Variants in TBL1XR1 observed in about 807,000 individuals in gnomAD.
TBL1XR1 encodes F-box-like/WD repeat-containing protein TBL1XR1.
Under a neutral mutation model 66.9 loss-of-function variants are expected in TBL1XR1, and 5 were observed. The ratio of observed to expected loss-of-function variants is 0.07; its 90% confidence interval spans 0.04 to 0.16. The LOEUF (loss-of-function observed/expected upper bound fraction) is 0.16, where lower values mean the gene tolerates loss of function less well. TBL1XR1 is among the 10% of genes least tolerant of loss of function. The pLI is 1.00. For synonymous variants in TBL1XR1, 210 were observed against 206.0 expected (o/e 1.02, Z -0.17); for missense variants, 238 against 623.2 (o/e 0.38, Z 6.58).
intron 1 of TBL1XR1, chr3:177,120,624 A>G (rs1193702984): frequency 2.6e-5 from 4 of 152,016 alleles, no homozygotes; most frequent in African/African-American, 9.7e-5. Context: ...AATCTTTTCC[A>G]CTCAAACTTC....
chr3:177,176,961 C>G (rs1169683257), intron 1 of TBL1XR1, among the ~76,000 whole-genome samples: 1 of 152,032 alleles, frequency 6.6e-6, no homozygotes, highest in African/African-American at 2.4e-5. Context: ...GCTTGGGCAA[C>G]AAAGGGAAGC....
intron 2 of TBL1XR1, among the ~76,000 whole-genome samples, chr3:177,070,575 G>A (rs923465728): frequency 1.4e-4 from 22 of 152,178 alleles, no homozygotes; most frequent in African/African-American, 5.3e-4. Context: ...TTGGCCAGGT[G>A]CGGTGGCTCA....
At position 177,082,741 on chromosome 3, in the gene TBL1XR1, TATATATATATATA is replaced by T. The variant is rs1721576416; in HGVS notation, c.-46+15712_-46+15724del. Among the ~76,000 whole-genome samples the T allele has an allele frequency of 3.0e-4, 24 of 79,510 alleles. 1 individual carries two copies. The highest frequency in any genetic ancestry group is 5.6e-4 in the Non-Finnish European group (20 of 36,004). The allele number at this position is 79,510 out of a possible 152,430, so 52.2% of individuals were successfully genotyped here. On this transcript the variant is annotated intron_variant, in intron 2 of 15. Coordinates refer to ENST00000457928, the MANE Select transcript of TBL1XR1 (RefSeq NM_024665.7). ...TACTAAATTTCTAAGATAGAGATTA[TATATATATATATA>T]TATATATATATATGAATATGAGACG...
intron 1 of TBL1XR1, among the ~76,000 whole-genome samples, chr3:177,147,821 T>C (rs1220971717): frequency 5.9e-5 from 9 of 152,274 alleles, no homozygotes; most frequent in East Asian, 3.9e-4. Context: ...CTCCCACAAA[T>C]AGGAGGTCCT....
intron 1 of TBL1XR1, among the ~76,000 whole-genome samples, chr3:177,144,797 A>T (rs1275681329): frequency 6.6e-6 from 1 of 152,224 alleles, no homozygotes; most frequent in Non-Finnish European, 1.5e-5. Flanking sequence ...TAACCTACAC[A>T]TAAATTAATC....
chr3:177,028,230 T>C (rs1228959892), intron 14 of TBL1XR1, among the ~76,000 whole-genome samples: 2 of 151,896 alleles, frequency 1.3e-5, no homozygotes, highest in Non-Finnish European at 2.9e-5. Context: ...CCTGGATGTA[T>C]ATACAACAAT....
At chr3:177,056,738 C>T (rs1034793877) in intron 3 of TBL1XR1, among the ~76,000 whole-genome samples, 1 of 138,338 alleles carries the variant, frequency 7.2e-6, no homozygotes, top group African/African-American at 2.7e-5. Flanking sequence ...AAGTCATAGT[C>T]ATCCTAACTC....
intron 2 of TBL1XR1, among the ~76,000 whole-genome samples, chr3:177,069,261 C>T (rs1430083102): frequency 2.0e-5 from 3 of 151,900 alleles, no homozygotes; most frequent in Non-Finnish European, 2.9e-5. Context: ...TTTTTATAGG[C>T]CTAAAAAATG....
intron 1 of TBL1XR1, among the ~76,000 whole-genome samples, chr3:177,159,092 A>G (rs369551717): frequency 9.9e-5 from 15 of 152,150 alleles, no homozygotes; most frequent in African/African-American, 3.6e-4. Flanking sequence ...TTTTATTTTT[A>G]ATTCCTGCAG....
intron 2 of TBL1XR1, among the ~76,000 whole-genome samples, chr3:177,070,363 T>C (rs1404824495): frequency 6.6e-6 from 1 of 152,062 alleles, no homozygotes; most frequent in Admixed American, 6.5e-5. Context: ...TAAATATGTA[T>C]GGAATAACTG....
intron 2 of TBL1XR1, among the ~76,000 whole-genome samples, chr3:177,092,940 T>C (rs1723015431): frequency 6.6e-6 from 1 of 152,074 alleles, no homozygotes; most frequent in Non-Finnish European, 1.5e-5. Flanking sequence ...CTATTCAACA[T>C]AGTACTTACT....
intron 1 of TBL1XR1, among the ~76,000 whole-genome samples, chr3:177,129,986 A>C (rs1728088022): frequency 6.6e-6 from 1 of 152,054 alleles, no homozygotes; most frequent in Non-Finnish European, 1.5e-5. Context: ...CTGTACTAAA[A>C]ATACAACAAT....
chr3:177,104,045 G>A (rs1454095150), intron 1 of TBL1XR1, among the ~76,000 whole-genome samples: 2 of 151,298 alleles, frequency 1.3e-5, no homozygotes, highest in Non-Finnish European at 2.9e-5. Context: ...GAACCCAGGA[G>A]GCAGAGGTTG....
chr3:177,137,130 G>T (rs567048226), intron 1 of TBL1XR1, among the ~76,000 whole-genome samples: 2 of 131,290 alleles, frequency 1.5e-5, no homozygotes, highest in African/African-American at 5.2e-5. Context: ...AAAATGTTAT[G>T]GGGGGGGAAA....
chr3:177,071,150 C>G (rs1719954455), intron 2 of TBL1XR1, among the ~76,000 whole-genome samples: 2 of 150,490 alleles, frequency 1.3e-5, no homozygotes, highest in Non-Finnish European at 2.9e-5. Flanking sequence ...ACTGCCTTAG[C>G]CTCCCGAGCA....
At position 177,025,339 on chromosome 3, in the gene TBL1XR1, C is replaced by A. The variant is rs1253768726; in HGVS notation, c.*159G>T. 2 of 526,926 alleles carry A rather than the reference C, an allele frequency of 3.8e-6. No individual in the cohort carries two copies. The highest frequency in any genetic ancestry group is 8.0e-5 in the Admixed American group (2 of 24,994). The allele number at this position is 526,926 out of a possible 1,614,324, so 32.6% of individuals were successfully genotyped here. A position where few individuals can be genotyped will look rare whatever the true frequency, so the allele number is the denominator to read the frequency against. On this transcript the variant is annotated 3_prime_UTR_variant, in exon 16 of 16. Transcript: ENST00000457928. ...ACAAAACTCTGTCATCTTCAGGGTG[C>A]AATTTTGTTTATATACACTGTATGT...
chr3:177,021,332 A>G lies in TBL1XR1; in HGVS notation c.*4166T>C, dbSNP rs1576945066. On this transcript the variant is annotated 3_prime_UTR_variant, in exon 16 of 16. Transcript: ENST00000457928. Reference sequence around the variant, plus strand: ...ACATGCAGAATGTTTTCCTGAACTTATCCGGAAATTCCAAAGAAAACATCA... The same window carrying G: ...ACATGCAGAATGTTTTCCTGAACTTGTCCGGAAATTCCAAAGAAAACATCA... 6.6e-6 allele frequency: 1 copy of G among 152,120 alleles called. No homozygotes were observed. The highest frequency in any genetic ancestry group is 2.4e-5 in the African/African-American group (1 of 41,262). The allele number at this position is 152,120 out of a possible 1,614,324, so 9.4% of individuals were successfully genotyped here. A position where few individuals can be genotyped will look rare whatever the true frequency, so the allele number is the denominator to read the frequency against.
At chr3:177,054,117 C>A (rs368190859) in intron 3 of TBL1XR1, among the ~76,000 whole-genome samples, 199 bp from the exon 4 acceptor site, 1 of 151,910 alleles carries the variant, frequency 6.6e-6, no homozygotes, top group South Asian at 2.1e-4. Flanking sequence ...CCTTTACATA[C>A]TTTCTTTTTC....
chr3:177,173,061 C>T (rs906961001), intron 1 of TBL1XR1, among the ~76,000 whole-genome samples: 1 of 152,060 alleles, frequency 6.6e-6, no homozygotes, highest in African/African-American at 2.4e-5. Context: ...GTGATGCATG[C>T]CTGTAATCCC....
Sources: allele counts gnomAD v4.1 joint callset (sites outside exome capture counted in the v4.1 genomes callset), GRCh38; gene constraint gnomAD v4.1.1; transcripts MANE v1.5; gene names NCBI Gene and HGNC (gene_info 2026-07-23, HGNC 2026-07-21).